TTC3: variants seen among roughly 807,000 people sequenced by gnomAD.
TTC3 encodes tetratricopeptide repeat domain 3.
In TTC3, 180 loss-of-function variants were observed where a neutral mutation model predicts 249.6. That is an observed-to-expected ratio of 0.72 (90% CI 0.64 to 0.82). The LOEUF is 0.82. Ranked by LOEUF, TTC3 falls within the 40% of genes least tolerant of loss-of-function variation. The pLI, the probability that TTC3 is intolerant of heterozygous loss-of-function variation, is 0.00. For synonymous variants in TTC3, 717 were observed against 805.0 expected (o/e 0.89, Z 1.85); for missense variants, 2,061 against 2,398.4 (o/e 0.86, Z 2.94).
At chr21:37,140,491 C>A in intron 19 of TTC3, 70 bp from the exon 20 acceptor site, 3 of 1,091,172 alleles carry the variant, frequency 2.7e-6, no homozygotes, top group South Asian at 2.0e-5. Context: ...AAAAAATCAA[C>A]CTTTAGATAA....
chr21:37,079,445 C>G (rs975178332), intron 1 of TTC3, among the ~76,000 whole-genome samples: 2 of 146,058 alleles, frequency 1.4e-5, no homozygotes, highest in African/African-American at 5.1e-5. Context: ...TAGGACTGTT[C>G]AGGTATTCTA....
intron 20 of TTC3, among the ~76,000 whole-genome samples, chr21:37,143,810 A>G (rs1057332512): frequency 8.4e-6 from 1 of 118,980 alleles, no homozygotes; most frequent in African/African-American, 3.6e-5. Context: ...TTATTGCGGC[A>G]CTATTCACAA....
At chr21:37,073,577 C>A in intron 1 of TTC3, 104 bp downstream of exon 1, 1 of 892,254 alleles carries the variant, frequency 1.1e-6, no homozygotes, top group Non-Finnish European at 1.3e-6. Flanking sequence ...CCGCCATTGC[C>A]TACCCCAGTG....
At chr21:37,184,400 T>C (rs1160415644) in intron 36 of TTC3, among the ~76,000 whole-genome samples, 1 of 152,068 alleles carries the variant, frequency 6.6e-6, no homozygotes, top group African/African-American at 2.4e-5. Context: ...TATTATTAGA[T>C]TTCTTTACCT....
chr21:37,113,130 A>C (rs954555965), intron 11 of TTC3, among the ~76,000 whole-genome samples: 3 of 152,250 alleles, frequency 2.0e-5, no homozygotes, highest in African/African-American at 7.2e-5. Flanking sequence ...GAAAACTGGC[A>C]CAAGACAGGG....
chr21:37,079,809 C>T (rs1442997109), intron 1 of TTC3, among the ~76,000 whole-genome samples: 1 of 152,052 alleles, frequency 6.6e-6, no homozygotes, highest in Non-Finnish European at 1.5e-5. Context: ...GCTAGGATTA[C>T]AGGTGTGAGC....
intron 10 of TTC3, chr21:37,098,843 A>G (rs182458532): frequency 3.1e-4 from 47 of 152,284 alleles, no homozygotes; most frequent in Non-Finnish European, 6.0e-4. Context: ...CCCATGCCTG[A>G]GAAAGACTTT....
At chr21:37,091,448 A>G (rs754629866) in intron 7 of TTC3, 35 bp downstream of exon 7, 1 of 1,571,326 alleles carries the variant, frequency 6.4e-7, no homozygotes. Flanking sequence ...TACTTGACTC[A>G]GTTTTTAAAG....
chr21:37,181,674 ATC>A (rs1419762397), intron 35 of TTC3, among the ~76,000 whole-genome samples: 1 of 152,240 alleles, frequency 6.6e-6, no homozygotes, highest in Admixed American at 6.5e-5. Flanking sequence ...GGATTCAGAA[ATC>A]TTAAAGGACC....
At chr21:37,121,206 A>G (rs2076551469) in intron 11 of TTC3, 1 of 152,250 alleles carries the variant, frequency 6.6e-6, no homozygotes, top group Non-Finnish European at 1.5e-5. Context: ...TTGGAATTAA[A>G]TGTAAATCCC....
rs1157117462 is a variant in TTC3, at chr21:37,184,508, G to A, written c.4758-1198G>A. On this transcript the variant is annotated intron_variant, in intron 36 of 45. Transcript: ENST00000355666. ...TTGCTTTTGTCACCCAGCCTGGAGTGCAATGGTGCAATCTCAGCTCACTGC... is the reference window on the plus strand; with the variant it reads ...TTGCTTTTGTCACCCAGCCTGGAGTACAATGGTGCAATCTCAGCTCACTGC... Among the ~76,000 whole-genome samples the A allele has an allele frequency of 2.6e-5, 4 of 151,536 alleles. 1 individual carries two copies. The highest frequency in any genetic ancestry group is 9.7e-5 in the African/African-American group (4 of 41,208).
rs560156313 is a variant in TTC3 at position 37,121,464 on chromosome 21, A to G, written c.901-353A>G. 1.4e-3 allele frequency: 232 copies of G among 162,252 alleles called. 2 individuals carry two copies. The highest frequency in any genetic ancestry group is 5.0e-3 in the African/African-American group (211 of 41,890). 10.1% of individuals were successfully genotyped at this position (162,252 alleles called of 1,614,324 possible). A position where few individuals can be genotyped will look rare whatever the true frequency, so the allele number is the denominator to read the frequency against. Reference sequence around the variant, plus strand: ...CTGCCTTCAAATATTTTTAAAACATAAAGTTATTTATAATGAATGACATTT... The same window carrying G: ...CTGCCTTCAAATATTTTTAAAACATGAAGTTATTTATAATGAATGACATTT... On this transcript the variant is annotated intron_variant, in intron 11 of 45. Transcript: ENST00000355666.
chr21:37,098,306 C>T, intron 10 of TTC3: 1 of 186,902 alleles, frequency 5.4e-6, no homozygotes, highest in Non-Finnish European at 1.1e-5. Context: ...TATTGCCTGG[C>T]AGAAGGTTTT....
chr21:37,118,679 G>A (rs999846020), intron 11 of TTC3, among the ~76,000 whole-genome samples: 2 of 152,140 alleles, frequency 1.3e-5, no homozygotes, highest in African/African-American at 4.8e-5. Context: ...ATCCAGATTT[G>A]TACACATCTT....
intron 17 of TTC3, among the ~76,000 whole-genome samples, chr21:37,135,086 A>G (rs1281385061): frequency 6.6e-6 from 1 of 152,230 alleles, no homozygotes; most frequent in Non-Finnish European, 1.5e-5. Flanking sequence ...ACTTAAAAAT[A>G]CTGTCTGTTT....
chr21:37,175,597 C>CAAA (rs1175943574), intron 35 of TTC3, among the ~76,000 whole-genome samples: 10 of 42,856 alleles, frequency 2.3e-4, no homozygotes, highest in Non-Finnish European at 2.8e-4. Flanking sequence ...GACTCCATCT[C>CAAA]AAAAAAAAAA....
Position 37,087,323 on chromosome 21 carries a change from C to T in TTC3, c.66C>T (p.His22=), listed in dbSNP as rs150569930. ...ATGCCTTGTTAGAAGATTGCCCTCACGTGGATGATTGTGTCTTTGCTGCTG... is the reference window on the plus strand; with the variant it reads ...ATGCCTTGTTAGAAGATTGCCCTCATGTGGATGATTGTGTCTTTGCTGCTG... The change falls in exon 2 of 46, where the codon CAC becomes CAT. Residue 22 remains histidine, a synonymous_variant. Transcript: ENST00000355666. 2.7e-4 allele frequency: 436 copies of T among 1,614,018 alleles called. 2 individuals carry two copies. In the African/African-American group the frequency reaches 4.8e-3, roughly 18 times the overall value.
exon 45 of TTC3, chr21:37,200,308 A>G: frequency 6.2e-7 from 1 of 1,614,266 alleles, no homozygotes; most frequent in Non-Finnish European, 8.5e-7. Context: ...AAATGTGGGC[A>G]CAAGTATCAC....
chr21:37,200,161 T>C, intron 44 of TTC3, 71 bp from the exon 45 acceptor site: 1 of 1,451,234 alleles, frequency 6.9e-7, no homozygotes, highest in Non-Finnish European at 9.4e-7. Context: ...GAAGGCCACT[T>C]GAAGGAAGAA....
Sources: allele counts gnomAD v4.1 joint callset (sites outside exome capture counted in the v4.1 genomes callset), GRCh38; gene constraint gnomAD v4.1.1; transcripts MANE v1.5; gene names NCBI Gene and HGNC (gene_info 2026-07-23, HGNC 2026-07-21).